Variants in STX2 observed in about 807,000 individuals in gnomAD.
STX2 encodes syntaxin-2.
In STX2, 27 loss-of-function variants were observed where a neutral mutation model predicts 40.6. The observed-to-expected ratio is 0.66, with a 90% CI of 0.49 to 0.92. The LOEUF is 0.92. Among genes scored for constraint, STX2 ranks in the 40% least tolerant of loss-of-function variants. The pLI, the probability that STX2 is intolerant of heterozygous loss-of-function variation, is 0.00. For missense variants in STX2, 328 were observed against 366.1 expected (o/e 0.90, Z 0.85); for synonymous variants, 123 against 119.1 (o/e 1.03, Z -0.22).
At chr12:130,805,730 A>G (rs1951407358) in intron 6 of STX2, among the ~76,000 whole-genome samples, 1 of 152,220 alleles carries the variant, frequency 6.6e-6, no homozygotes, top group Admixed American at 6.5e-5. Flanking sequence ...ATGTGATTTA[A>G]CTACATTCTA....
chr12:130,824,457 T>C (rs1196660403), intron 2 of STX2, among the ~76,000 whole-genome samples: 1 of 152,214 alleles, frequency 6.6e-6, no homozygotes, highest in Non-Finnish European at 1.5e-5. Flanking sequence ...AAAACATTAT[T>C]TTAACTCTTG....
intron 2 of STX2, among the ~76,000 whole-genome samples, chr12:130,822,415 CA>C (rs753669928): frequency 8.4e-5 from 12 of 143,168 alleles, no homozygotes; most frequent in East Asian, 4.0e-4. Context: ...GACTCTGTCT[CA>C]AAAAAAAAAG....
At chr12:130,802,654 C>T (rs562102975) in intron 6 of STX2, among the ~76,000 whole-genome samples, 1 of 152,234 alleles carries the variant, frequency 6.6e-6, no homozygotes, top group African/African-American at 2.4e-5. Flanking sequence ...CACACCCATG[C>T]CTGGTTTATT....
intron 9 of STX2, among the ~76,000 whole-genome samples, chr12:130,797,457 C>T (rs766986201): frequency 3.3e-5 from 5 of 152,128 alleles, no homozygotes; most frequent in African/African-American, 4.8e-5. Context: ...CCAGGAAAAG[C>T]GGAGGGTGTG....
chr12:130,827,097 G>A (rs1352771162), intron 2 of STX2, 96 bp downstream of exon 2: 3 of 562,184 alleles, frequency 5.3e-6, no homozygotes, highest in East Asian at 3.4e-5. Context: ...GGGGAGGGGA[G>A]GAAAGGGAGA....
rs767969719 is a variant in STX2, at chr12:130,808,610, TA to T, written c.354+20del. ...CTTATTCTGCGACATTACTTTAATC[TA>T]AACGAGGCTGATAGCAAACCTGGGT... On this transcript the variant is annotated intron_variant, in intron 5 of 10. Coordinates refer to ENST00000392373, the MANE Select transcript of STX2 (RefSeq NM_194356.4). The T allele has an allele frequency of 1.2e-6, 2 of 1,603,450 alleles. No homozygotes were observed. The highest frequency in any genetic ancestry group is 1.7e-6 in the Non-Finnish European group (2 of 1,176,370).
chr12:130,805,186 C>T (rs1487291949), intron 6 of STX2, among the ~76,000 whole-genome samples: 1 of 152,154 alleles, frequency 6.6e-6, no homozygotes, highest in Non-Finnish European at 1.5e-5. Flanking sequence ...GCAGTCTAGT[C>T]GACATCATGA....
At chr12:130,820,390 G>T (rs1565927094) in intron 3 of STX2, among the ~76,000 whole-genome samples, 1 of 152,172 alleles carries the variant, frequency 6.6e-6, no homozygotes, top group Non-Finnish European at 1.5e-5. Context: ...GATACGGCTG[G>T]GCACGGTGGC....
At chr12:130,796,259 C>T (rs1951025430) in intron 9 of STX2, 139 bp from the exon 10 acceptor site, 6 of 1,039,560 alleles carry the variant, frequency 5.8e-6, no homozygotes, top group Admixed American at 2.7e-5. Context: ...TTTGGGAGTC[C>T]GAGGCGGATG....
At chr12:130,806,863 GT>G in intron 6 of STX2, 118 bp downstream of exon 6, 1 of 945,720 alleles carries the variant, frequency 1.1e-6, no homozygotes, top group Non-Finnish European at 1.6e-6. Flanking sequence ...TGGTCTTTGG[GT>G]TTTACACTAT....
In STX2 at chr12:130,828,842, TG is replaced by T. The variant is rs1257277559; in HGVS notation, c.31-1576del. 9.1e-5 allele frequency among the ~76,000 whole-genome samples: 13 copies of T among 142,878 alleles called. No individual in the cohort carries two copies. In the East Asian group the frequency reaches 2.8e-3, roughly 30 times the overall value. 93.7% of individuals were successfully genotyped at this position (142,878 alleles called of 152,430 possible). A position where few individuals can be genotyped will look rare whatever the true frequency, so the allele number is the denominator to read the frequency against. ...GAGATCGCGCCACTGCACTCCAGCC[TG>T]GGTGACAGAGCAAGACTCTGTCTCA... is the stretch of plus-strand genomic sequence containing the variant. On this transcript the variant is annotated intron_variant, in intron 1 of 10. Coordinates refer to ENST00000392373, the MANE Select transcript of STX2 (RefSeq NM_194356.4).
At chr12:130,815,154 AG>A (rs1352326953) in intron 3 of STX2, among the ~76,000 whole-genome samples, 1 of 152,322 alleles carries the variant, frequency 6.6e-6, no homozygotes, top group East Asian at 1.9e-4. Flanking sequence ...CTAGACACAA[AG>A]GGGTCATTTC....
At chr12:130,837,962 C>T (rs1369927096) in intron 1 of STX2, among the ~76,000 whole-genome samples, 1 of 152,210 alleles carries the variant, frequency 6.6e-6, no homozygotes, top group Non-Finnish European at 1.5e-5. Flanking sequence ...CAGAGCTCCT[C>T]ATCTGAACCA....
chr12:130,824,078 T>C (rs1228464568), intron 2 of STX2, among the ~76,000 whole-genome samples: 1 of 152,136 alleles, frequency 6.6e-6, no homozygotes, highest in Non-Finnish European at 1.5e-5. Context: ...GGACCAGATT[T>C]GAAAAGTCTA....
intron 1 of STX2, among the ~76,000 whole-genome samples, chr12:130,834,538 T>C (rs1000082508): frequency 6.6e-6 from 1 of 152,166 alleles, no homozygotes; most frequent in African/African-American, 2.4e-5. Context: ...AGCTCTTCTA[T>C]GGATCAGTTA....
At chr12:130,826,173 T>C (rs1952295823) in intron 2 of STX2, among the ~76,000 whole-genome samples, 1 of 152,200 alleles carries the variant, frequency 6.6e-6, no homozygotes. Flanking sequence ...CCCTGAGCCC[T>C]CTGCTCTAGG....
At chr12:130,807,358 G>C (rs572243873) in intron 5 of STX2, among the ~76,000 whole-genome samples, 1 of 152,346 alleles carries the variant, frequency 6.6e-6, no homozygotes, top group South Asian at 2.1e-4. Context: ...AAGGTCACAG[G>C]CTTTTCTGAT....
At chr12:130,801,741 A>G (rs1198445233) in intron 6 of STX2, among the ~76,000 whole-genome samples, 1 of 152,240 alleles carries the variant, frequency 6.6e-6, no homozygotes, top group Non-Finnish European at 1.5e-5. Flanking sequence ...GTGAGAAACA[A>G]CTGCAGAAAG....
chr12:130,801,000 A>AT (rs1951203206), intron 8 of STX2, among the ~76,000 whole-genome samples, 153 bp downstream of exon 8: 1 of 152,252 alleles, frequency 6.6e-6, no homozygotes, highest in Non-Finnish European at 1.5e-5. Context: ...TGCTTCCAGC[A>AT]TTTCAGCATC....
Sources: allele counts gnomAD v4.1 joint callset (sites outside exome capture counted in the v4.1 genomes callset), GRCh38; gene constraint gnomAD v4.1.1; transcripts MANE v1.5; gene names NCBI Gene and HGNC (gene_info 2026-07-23, HGNC 2026-07-21).